Variants in KIAA1549L observed in about 807,000 individuals in gnomAD.
KIAA1549L encodes KIAA1549 like, also known as UPF0606 protein KIAA1549L.
KIAA1549L carries 88 observed loss-of-function variants against 160.7 expected under a neutral mutation model. The ratio of observed to expected loss-of-function variants is 0.55; its 90% confidence interval spans 0.46 to 0.65. KIAA1549L has a LOEUF of 0.65. Among genes scored for constraint, KIAA1549L ranks in the 30% least tolerant of loss-of-function variants. KIAA1549L has a pLI of 0.00. For synonymous variants in KIAA1549L, 950 were observed against 976.7 expected (o/e 0.97, Z 0.51); for missense variants, 2,258 against 2,437.5 (o/e 0.93, Z 1.55).
chr11:33,650,623 CCT>C (rs1851856679), intron 17 of KIAA1549L, among the ~76,000 whole-genome samples: 1 of 152,170 alleles, frequency 6.6e-6, no homozygotes, highest in African/African-American at 2.4e-5. Flanking sequence ...ATAGCCGTAT[CCT>C]CTTTCTCCTA....
chr11:33,459,960 C>CAAA (rs61580338), intron 1 of KIAA1549L, among the ~76,000 whole-genome samples: 1 of 67,220 alleles, frequency 1.5e-5, no homozygotes, highest in African/African-American at 7.4e-5. Context: ...GACTCCGTCT[C>CAAA]AAAAAAAAAA....
rs773127304 is a variant in KIAA1549L, at chr11:33,545,061, C to T, written c.3068C>T (p.Thr1023Ile). Residue 1023 changes from threonine (T) to isoleucine (I), a missense_variant, in exon 3 of 21, where the codon ACA becomes ATA. Physicochemically the swap from Thr to Ile is moderately conservative, Grantham distance 89. Coordinates refer to ENST00000658780, the MANE Select transcript of KIAA1549L (RefSeq NM_012194.3). Reference protein sequence around the residue: ...ARTGHTTSTHTAMQGNMDTAS... With the variant: ...ARTGHTTSTHIAMQGNMDTAS... The stretch of plus-strand genomic sequence containing the variant: ...ACAGGACATACCACGAGCACACATA[C>T]AGCCATGCAAGGAAACATGGACACT... 6.2e-6 allele frequency: 10 copies of T among 1,614,046 alleles called. No homozygotes were observed. In the South Asian group the frequency reaches 1.1e-4, roughly 18 times the overall value.
At chr11:33,644,602 C>G (rs1375897955) in intron 16 of KIAA1549L, among the ~76,000 whole-genome samples, 1 of 152,188 alleles carries the variant, frequency 6.6e-6, no homozygotes, top group African/African-American at 2.4e-5. Flanking sequence ...CTTATAAAAG[C>G]CTTTGAGGCA....
chr11:33,442,268 C>G (rs570197959), intron 1 of KIAA1549L, among the ~76,000 whole-genome samples: 2 of 152,068 alleles, frequency 1.3e-5, no homozygotes, highest in Admixed American at 6.6e-5. Flanking sequence ...CTGTTCTGTT[C>G]CATTGATCTA....
intron 1 of KIAA1549L, among the ~76,000 whole-genome samples, chr11:33,530,436 A>AAAAAATATAT (rs1853735474): frequency 8.4e-5 from 1 of 11,892 alleles, no homozygotes; most frequent in Non-Finnish European, 1.4e-4. Flanking sequence ...AAAAAAAAAA[A>AAAAAATATAT]ATATATATAT....
rs201450949 is a variant in KIAA1549L at position 33,542,962 on chromosome 11, A to G, written c.1399A>G (p.Thr467Ala). The G allele has an allele frequency of 1.6e-4, 261 of 1,613,928 alleles. 2 individuals carry two copies. The highest frequency in any genetic ancestry group is 7.9e-5 in the Non-Finnish European group (93 of 1,179,868). Residue 467 changes from threonine to alanine, a missense_variant, in exon 2 of 21, where the codon ACC becomes GCC. Thr to Ala is a moderately conservative substitution (Grantham distance 58, BLOSUM62 0). Coordinates refer to ENST00000658780, the MANE Select transcript of KIAA1549L (RefSeq NM_012194.3). ...AGGGCCCGCCCTTTCGGCAGAACAC[A>G]CCTCTTCTTTGGTGCCTTCTCTGCA... ...SRGPALSAEH[T>A]SSLVPSLHIT...
intron 1 of KIAA1549L, among the ~76,000 whole-genome samples, chr11:33,495,167 C>G (rs940029079): frequency 1.3e-5 from 2 of 151,652 alleles, no homozygotes; most frequent in African/African-American, 4.8e-5. Context: ...GGGTACATGT[C>G]CACAATGTGC....
At chr11:33,590,247 A>G (rs190047631) in intron 11 of KIAA1549L, among the ~76,000 whole-genome samples, 1 of 152,302 alleles carries the variant, frequency 6.6e-6, no homozygotes, top group African/African-American at 2.4e-5. Flanking sequence ...TTTAAGCTTG[A>G]TGAAGAAACT....
intron 15 of KIAA1549L, among the ~76,000 whole-genome samples, chr11:33,616,282 T>G (rs189837775): frequency 5.9e-5 from 9 of 152,274 alleles, no homozygotes; most frequent in Admixed American, 1.3e-4. Context: ...TGCCAGCAAC[T>G]CCTGGCATAT....
In KIAA1549L at chr11:33,542,389, A is replaced by G. The variant is rs539218636; in HGVS notation, c.826A>G (p.Thr276Ala). The change falls in exon 2 of 21, where the codon ACA (threonine) becomes GCA (alanine). Residue 276 changes from threonine (T) to alanine (A), a missense_variant. By Grantham distance (58) the Thr-to-Ala change is moderately conservative (BLOSUM62 0). Transcript: ENST00000658780. The part of the protein sequence containing the change: ...QSPKVLLVPQ[T>A]APADPSLGQN... ...CCCCAAAGTGCTGTTAGTTCCCCAAACAGCTCCAGCCGACCCCTCTTTAGG... is the reference window on the plus strand; with the variant it reads ...CCCCAAAGTGCTGTTAGTTCCCCAAGCAGCTCCAGCCGACCCCTCTTTAGG... 4.4e-5 allele frequency: 59 copies of G among 1,342,690 alleles called. No homozygotes were observed. The African/African-American group carries it at 7.6e-4, about 17-fold the overall frequency. 83.2% of individuals were successfully genotyped at this position (1,342,690 alleles called of 1,614,324 possible).
In KIAA1549L at chr11:33,655,976, TAAC is replaced by T. The variant is rs972582791; in HGVS notation, c.5761-32_5761-30del. The T allele has an allele frequency of 4.7e-6, 7 of 1,487,026 alleles. No individual in the cohort carries two copies. The African/African-American group carries it at 6.9e-5, about 15-fold the overall frequency. The allele number at this position is 1,487,026 out of a possible 1,614,324, so 92.1% of individuals were successfully genotyped here. On this transcript the variant is annotated intron_variant, in intron 17 of 20. Coordinates refer to ENST00000658780, the MANE Select transcript of KIAA1549L (RefSeq NM_012194.3). ...CTGTGTGCTGATCGACCCTGGGTGT[TAAC>T]AACTCTCCCTGTATTGCTTGTCTCT...
chr11:33,462,772 A>G (rs1268342060), intron 1 of KIAA1549L, among the ~76,000 whole-genome samples: 3 of 146,562 alleles, frequency 2.0e-5, no homozygotes, highest in Non-Finnish European at 4.5e-5. Context: ...TTAGCTGCAC[A>G]TTTTTTTTTT....
intron 1 of KIAA1549L, among the ~76,000 whole-genome samples, chr11:33,502,939 T>C: frequency 6.6e-6 from 1 of 152,338 alleles, no homozygotes; most frequent in East Asian, 1.9e-4. Context: ...TAAATACTAG[T>C]CAGTCTCTTC....
intron 1 of KIAA1549L, among the ~76,000 whole-genome samples, chr11:33,528,769 A>G (rs2133142919): frequency 6.6e-6 from 1 of 152,338 alleles, no homozygotes; most frequent in Non-Finnish European, 1.5e-5. Flanking sequence ...AGCAGAAGCT[A>G]AGCTATGAGA....
chr11:33,585,333 A>C (rs1453441841), intron 11 of KIAA1549L, among the ~76,000 whole-genome samples: 1 of 152,182 alleles, frequency 6.6e-6, no homozygotes, highest in East Asian at 1.9e-4. Flanking sequence ...AGCCTGACCA[A>C]CATGGAGAAA....
chr11:33,381,951 G>T (rs530801920), intron 1 of KIAA1549L, among the ~76,000 whole-genome samples: 1 of 152,288 alleles, frequency 6.6e-6, no homozygotes, highest in Admixed American at 6.5e-5. Context: ...TTCAGGTTTG[G>T]GGTAAGAAAA....
chr11:33,655,970 G>C (rs758317849), intron 17 of KIAA1549L, 42 bp from the exon 18 acceptor site: 26 of 1,382,804 alleles, frequency 1.9e-5, no homozygotes, highest in Non-Finnish European at 2.5e-5. Flanking sequence ...GATCGACCCT[G>C]GGTGTTAACA....
At chr11:33,649,772 A>G (rs1244300313) in intron 17 of KIAA1549L, among the ~76,000 whole-genome samples, 3 of 150,586 alleles carry the variant, frequency 2.0e-5, no homozygotes, top group African/African-American at 7.4e-5. Context: ...CTGCATCTGT[A>G]GTTCCAGCTA....
At chr11:33,519,570 A>G (rs937923260) in intron 1 of KIAA1549L, among the ~76,000 whole-genome samples, 9 of 152,206 alleles carry the variant, frequency 5.9e-5, no homozygotes, top group African/African-American at 2.2e-4. Flanking sequence ...TTTGTTATTC[A>G]TCTTGAGGGT....
Sources: gnomAD v4.1 joint callset for allele counts (sites outside exome capture counted in the v4.1 genomes callset) on GRCh38, gnomAD v4.1.1 for gene constraint, MANE v1.5 for transcripts, NCBI Gene and HGNC (gene_info 2026-07-23, HGNC 2026-07-21) for gene names.